The following PROX1 variants were observed in gnomAD, a reference collection of about 807,000 sequenced individuals.
PROX1 encodes the protein prospero homeobox 1.
PROX1 carries 7 observed loss-of-function variants against 58.8 expected under a neutral mutation model. The ratio of observed to expected loss-of-function variants is 0.12; its 90% CI spans 0.07 to 0.22. The LOEUF is 0.22. PROX1 is among the 10% of genes least tolerant of loss of function. PROX1 has a pLI of 1.00. For missense variants in PROX1, 675 were observed against 927.8 expected, an observed-to-expected ratio of 0.73 and a Z score of 3.54; for synonymous variants, 350 against 358.3, an observed-to-expected ratio of 0.98 and a Z score of 0.26.
intron 4 of PROX1, among the ~76,000 whole-genome samples, chr1:214,017,957 G>T (rs1664152906): frequency 6.6e-6 from 1 of 152,218 alleles, no homozygotes; most frequent in Non-Finnish European, 1.5e-5. Flanking sequence ...ATGGGAGAAA[G>T]AGAGCAAGTT....
intron 4 of PROX1, among the ~76,000 whole-genome samples, chr1:214,015,572 CTCTG>C (rs1230089517): frequency 6.6e-6 from 1 of 151,990 alleles, no homozygotes; most frequent in Non-Finnish European, 1.5e-5. Flanking sequence ...AGATGACGAT[CTCTG>C]TCAGTTTCTG....
At chr1:213,987,222 A>G (rs771834870), upstream of PROX1, among the ~76,000 whole-genome samples, 5 of 152,184 alleles carry the variant, frequency 3.3e-5, no homozygotes, top group African/African-American at 4.8e-5. Flanking sequence ...GACTCAGCCA[A>G]TGTTGATCTT....
intron 3 of PROX1, among the ~76,000 whole-genome samples, chr1:214,006,610 T>A (rs1355910760): frequency 6.6e-6 from 1 of 152,152 alleles, no homozygotes; most frequent in African/African-American, 2.4e-5. Flanking sequence ...GAGGACAATC[T>A]AGAATACACA....
At chr1:214,006,548 C>T (rs571105833) in intron 3 of PROX1, among the ~76,000 whole-genome samples, 1 of 152,242 alleles carries the variant, frequency 6.6e-6, no homozygotes, top group African/African-American at 2.4e-5. Context: ...ACTAAGTGAG[C>T]ACAAACAAGG....
chr1:214,031,422 A>C (rs757521477), intron 4 of PROX1, among the ~76,000 whole-genome samples: 10 of 152,090 alleles, frequency 6.6e-5, no homozygotes, highest in Non-Finnish European at 1.2e-4. Context: ...GTTCCAGCCA[A>C]AGACTTTGGA....
At chr1:214,001,295 C>T (rs929565094) in intron 2 of PROX1, among the ~76,000 whole-genome samples, 2 of 152,150 alleles carry the variant, frequency 1.3e-5, no homozygotes, top group African/African-American at 4.8e-5. Context: ...AATTTCAGTG[C>T]ACCTGCTCCA....
At chr1:214,003,368 C>T (rs1191861022) in intron 2 of PROX1, among the ~76,000 whole-genome samples, 1 of 152,208 alleles carries the variant, frequency 6.6e-6, no homozygotes, top group Non-Finnish European at 1.5e-5. Flanking sequence ...ACAAGGCAGT[C>T]GCAGACAGCT....
intron 3 of PROX1, among the ~76,000 whole-genome samples, chr1:214,006,402 C>G (rs1458146103): frequency 6.6e-6 from 1 of 152,178 alleles, no homozygotes; most frequent in African/African-American, 2.4e-5. Context: ...AATTGTGTAT[C>G]AACTTCAGCC....
intron 4 of PROX1, among the ~76,000 whole-genome samples, chr1:214,026,438 C>T (rs928689543): frequency 7.2e-5 from 11 of 152,148 alleles, no homozygotes; most frequent in African/African-American, 2.7e-4. Context: ...GATGGTTTTA[C>T]TTACCTTGAT....
At chr1:213,987,691 G>A (rs1436143342), upstream of PROX1, 2 of 134,452 alleles carry the variant, frequency 1.5e-5, no homozygotes, top group African/African-American at 5.3e-5. Context: ...CAGTCGTCCC[G>A]AAGCTGTGGC....
In PROX1 at chr1:214,012,585, T is replaced by A. The variant is rs12028706; in HGVS notation, c.2028+870T>A. On this transcript the variant is annotated intron_variant, in intron 4 of 4. Coordinates refer to ENST00000366958, the MANE Select transcript of PROX1 (RefSeq NM_001270616.2). ...AAATCTCCCAGTACTCACAAAGGCA[T>A]TTTGCTGAGCCCTGCTGGCTGAGGC... is the stretch of plus-strand genomic sequence containing the variant. Among the ~76,000 whole-genome samples, 165 of 152,268 alleles carry A rather than the reference T, an allele frequency of 1.1e-3. 2 individuals are homozygous for A. In the East Asian group the frequency reaches 0.03, roughly 27 times the overall value.
intron 2 of PROX1, among the ~76,000 whole-genome samples, chr1:214,002,287 C>G (rs575511695): frequency 2.0e-5 from 3 of 152,232 alleles, no homozygotes; most frequent in African/African-American, 4.8e-5. Flanking sequence ...CTTAGGTTCT[C>G]AGGTTGTTTG....
In PROX1 at chr1:213,988,414, GAGAGAGAGAGAT is replaced by G. The variant is rs1436272420; in HGVS notation, c.-125_-114del. 2.7e-5 allele frequency: 4 copies of G among 148,924 alleles called. No individual in the cohort carries two copies. Among genetic ancestry groups the G allele is most frequent in the African/African-American group, 7.6e-5 (3 of 39,686 alleles). The allele number at this position is 148,924 out of a possible 1,614,324, so 9.2% of individuals were successfully genotyped here. A position where few individuals can be genotyped will look rare whatever the true frequency, so the allele number is the denominator to read the frequency against. On this transcript the variant is annotated 5_prime_UTR_variant, in exon 1 of 5. Transcript: ENST00000366958. ...TCTCTCTGCCGGGGGAAAAAAAAGA[GAGAGAGAGAGAT>G]AGAGAGAGAGAGAGAGAGAGAGAGA...
At chr1:214,028,415 T>A (rs1404990623) in intron 4 of PROX1, among the ~76,000 whole-genome samples, 3 of 152,132 alleles carry the variant, frequency 2.0e-5, no homozygotes, top group Non-Finnish European at 4.4e-5. Flanking sequence ...CTACGAACAG[T>A]GCAGAAAACA....
chr1:214,031,068 C>CGCGT (rs1325800077), intron 4 of PROX1, among the ~76,000 whole-genome samples: 4 of 137,208 alleles, frequency 2.9e-5, no homozygotes, highest in Non-Finnish European at 6.3e-5. Context: ...TGTGTGTGTG[C>CGCGT]GCGCGCGCGC....
intron 4 of PROX1, among the ~76,000 whole-genome samples, chr1:214,012,380 A>G (rs1406112339): frequency 2.0e-5 from 3 of 151,972 alleles, no homozygotes; most frequent in African/African-American, 4.8e-5. Flanking sequence ...ACTTATATAT[A>G]TCTGTGACGT....
At chr1:214,009,281 A>G (rs1663825678) in intron 3 of PROX1, among the ~76,000 whole-genome samples, 1 of 152,342 alleles carries the variant, frequency 6.6e-6, no homozygotes, top group Middle Eastern at 3.4e-3. Context: ...AGACTCGTAC[A>G]CTGTGGAAAC....
Position 213,997,879 on chromosome 1 carries a change from T to A in PROX1, c.1344T>A (p.Ser448=). ...CCCTGGTTGTCCGCAAAAACTCCTC[T>A]GACCAGTCTGCCTCCGGCCCTGCCG... The part of the protein sequence containing the change: ...ALPLVVRKNS[S]DQSASGPAAG... The change falls in exon 2 of 5, where the codon TCT becomes TCA. Residue 448 remains serine, a synonymous_variant. Transcript: ENST00000366958. This position sits in a 1 kb window ranked among gnomAD's most constrained non-coding sequence, Gnocchi z 7.1. 7 of 1,612,756 alleles carry A rather than the reference T, an allele frequency of 4.3e-6. No individual in the cohort carries two copies. Among genetic ancestry groups the A allele is most frequent in the Middle Eastern group, 1.7e-4 (1 of 6,044 alleles).
In PROX1 at chr1:214,039,383, G is replaced by A. The variant is rs1334555302; in HGVS notation, c.*3549G>A. The A allele has an allele frequency of 6.6e-6, 1 of 152,056 alleles. No homozygotes were observed. Among genetic ancestry groups the A allele is most frequent in the Non-Finnish European group, 1.5e-5 (1 of 68,002 alleles). 9.4% of individuals were successfully genotyped at this position (152,056 alleles called of 1,614,324 possible). ...CCGAGTATTATTTAATTAAAGAAGT[G>A]TTTTATGTTTGCAGAATCTTTGTCA... On this transcript the variant is annotated 3_prime_UTR_variant, in exon 5 of 5. Coordinates refer to ENST00000366958, the MANE Select transcript of PROX1 (RefSeq NM_001270616.2).
Sources: allele counts gnomAD v4.1 joint callset (sites outside exome capture counted in the v4.1 genomes callset), GRCh38; gene constraint gnomAD v4.1.1; non-coding constraint Gnocchi (gnomAD v3.1); transcripts MANE v1.5; gene names NCBI Gene and HGNC (gene_info 2026-07-23, HGNC 2026-07-21).